TBL1X: variants seen among roughly 807,000 people sequenced by gnomAD.
The protein encoded by TBL1X is F-box-like/WD repeat-containing protein TBL1X.
A neutral mutation model predicts 50.7 loss-of-function variants in TBL1X; 10 were observed. That is an observed-to-expected ratio of 0.20 (90% CI 0.12 to 0.33). The LOEUF is 0.33. Ranked by LOEUF, TBL1X falls within the 10% of genes least tolerant of loss-of-function variation. TBL1X has a pLI of 1.00. For missense variants in TBL1X, 340 were observed against 504.4 expected (o/e 0.67, Z 3.12); for synonymous variants, 190 against 214.7 (o/e 0.88, Z 1.01).
At position 9,693,221 on chromosome X, in the gene TBL1X, T is replaced by C. The variant is rs761292680; in HGVS notation, c.955+9T>C. 1 of 1,211,829 alleles carries C rather than the reference T, an allele frequency of 8.3e-7. No individual in the cohort carries two copies. The highest frequency in any genetic ancestry group is 1.1e-6 in the Non-Finnish European group (1 of 895,479). On this transcript the variant is annotated intron_variant, in intron 10 of 17. Transcript: ENST00000645353. ...AATATGGACGGAAGATGGTGAGTTC[T>C]GTGTCCCTCGTGCTGGGGTCGGGTA...
intron 1 of TBL1X, among the ~76,000 whole-genome samples, chrX:9,481,186 C>T (rs1001972143): frequency 4.5e-5 from 5 of 111,839 alleles, no homozygotes; most frequent in African/African-American, 1.3e-4. Flanking sequence ...GACGAAAAAG[C>T]TTCCAAGGCT....
At chrX:9,614,009 GAA>G (rs2082627807) in intron 2 of TBL1X, among the ~76,000 whole-genome samples, 1 of 99,226 alleles carries the variant, frequency 1.0e-5, no homozygotes, top group Admixed American at 1.1e-4. Flanking sequence ...AAAAAGAAAA[GAA>G]AAAGAAAACT....
intron 2 of TBL1X, among the ~76,000 whole-genome samples, chrX:9,552,460 C>G (rs763971074): frequency 1.8e-5 from 2 of 111,795 alleles, no homozygotes; most frequent in Non-Finnish European, 3.8e-5. Flanking sequence ...CTTTGTATCA[C>G]TCCGACTTAA....
intron 2 of TBL1X, among the ~76,000 whole-genome samples, chrX:9,638,987 C>G (rs1396107124): frequency 9.0e-6 from 1 of 111,441 alleles, no homozygotes; most frequent in East Asian, 2.8e-4. Context: ...CCCTGGTGCC[C>G]TTTCATTTCT....
chrX:9,503,840 G>A (rs1361765555), intron 2 of TBL1X, among the ~76,000 whole-genome samples: 1 of 112,918 alleles, frequency 8.9e-6, no homozygotes, highest in African/African-American at 3.2e-5. Flanking sequence ...CTGCTGACCA[G>A]CAGATTTAGC....
intron 2 of TBL1X, among the ~76,000 whole-genome samples, chrX:9,639,637 G>A (rs985095769): frequency 1.8e-5 from 2 of 112,454 alleles, no homozygotes; most frequent in Non-Finnish European, 3.8e-5. Context: ...TGTCTGAAGA[G>A]TAAATGAAAA....
chrX:9,666,350 T>C (rs1269907933), intron 5 of TBL1X, among the ~76,000 whole-genome samples: 1 of 111,425 alleles, frequency 9.0e-6, no homozygotes, highest in Non-Finnish European at 1.9e-5. Flanking sequence ...CTTCTGTCTG[T>C]GTATTTATAT....
At chrX:9,649,660 T>A (rs1161809990) in intron 3 of TBL1X, among the ~76,000 whole-genome samples, 2 of 112,060 alleles carry the variant, frequency 1.8e-5, no homozygotes, top group Non-Finnish European at 3.8e-5. Context: ...ATATTCTCAT[T>A]CTCCATAGTT....
upstream of TBL1X, among the ~76,000 whole-genome samples, chrX:9,463,904 CAAAAACAA>C (rs1377260267): frequency 3.6e-5 from 4 of 110,688 alleles, no homozygotes; most frequent in African/African-American, 9.9e-5. Context: ...AAAACAAAAA[CAAAAACAA>C]AAAAACAAAA....
chrX:9,697,096 A>C (rs1181095241), intron 11 of TBL1X, among the ~76,000 whole-genome samples: 2 of 112,401 alleles, frequency 1.8e-5, no homozygotes, highest in Non-Finnish European at 3.8e-5. Context: ...CAAATATCCC[A>C]GTAAGGTTTT....
intron 1 of TBL1X, among the ~76,000 whole-genome samples, chrX:9,479,179 C>T (rs774657584): frequency 8.8e-6 from 1 of 113,080 alleles, no homozygotes; most frequent in South Asian, 3.6e-4. Context: ...TTGGCGTAGG[C>T]CAGGCGCAGT....
At chrX:9,568,128 G>A (rs2082361271) in intron 2 of TBL1X, among the ~76,000 whole-genome samples, 1 of 112,173 alleles carries the variant, frequency 8.9e-6, no homozygotes, top group Non-Finnish European at 1.9e-5. Context: ...GCCTGGAAGT[G>A]GTTGGACGGT....
At chrX:9,601,966 A>C (rs111886865) in intron 2 of TBL1X, among the ~76,000 whole-genome samples, 11,306 of 110,775 alleles carry the variant, frequency 0.1, 498 homozygotes, top group Middle Eastern at 0.17. Flanking sequence ...ATCCTTTGAA[A>C]CCGGGAGGCG....
At chrX:9,570,973 G>A (rs1217412058) in intron 2 of TBL1X, among the ~76,000 whole-genome samples, 2 of 111,873 alleles carry the variant, frequency 1.8e-5, no homozygotes, top group Non-Finnish European at 3.8e-5. Context: ...CACCGCGCCC[G>A]GCCCAAAGTG....
chrX:9,508,275 C>G (rs1420068532), intron 2 of TBL1X, among the ~76,000 whole-genome samples: 3 of 112,289 alleles, frequency 2.7e-5, no homozygotes, highest in Non-Finnish European at 5.6e-5. Flanking sequence ...AAAAAGTGGG[C>G]AAAGGATATG....
intron 16 of TBL1X, among the ~76,000 whole-genome samples, 173 bp downstream of exon 16, chrX:9,711,949 C>T (rs756760358): frequency 1.4e-4 from 16 of 112,398 alleles, no homozygotes; most frequent in Non-Finnish European, 3.0e-4. Context: ...GTCAGCTCTT[C>T]CCCCACCAGA....
intron 1 of TBL1X, among the ~76,000 whole-genome samples, chrX:9,481,133 G>A (rs1247939921): frequency 9.0e-6 from 1 of 111,600 alleles, no homozygotes; most frequent in Non-Finnish European, 1.9e-5. Flanking sequence ...CTATAGGACT[G>A]TGACAGTTTT....
rs563267936 is a variant in TBL1X, at chrX:9,570,386, C to T, written c.-131+68537C>T. 8.1e-5 allele frequency among the ~76,000 whole-genome samples: 9 copies of T among 111,555 alleles called. No homozygotes were observed. In the South Asian group the frequency reaches 1.9e-3, roughly 24 times the overall value. ...AGACAGGAATGGGACGTGGGGAGCGCGTACCCTCTTCTCAACAAGCAGGTT... is the reference window on the plus strand; with the variant it reads ...AGACAGGAATGGGACGTGGGGAGCGTGTACCCTCTTCTCAACAAGCAGGTT... On this transcript the variant is annotated intron_variant, in intron 2 of 17. Coordinates refer to ENST00000645353, the MANE Select transcript of TBL1X (RefSeq NM_005647.4).
chrX:9,661,646 C>T (rs376274021), intron 5 of TBL1X, among the ~76,000 whole-genome samples: 8 of 111,630 alleles, frequency 7.2e-5, no homozygotes, highest in African/African-American at 2.6e-4. Context: ...GAGACCTCAG[C>T]GGCCTCCTCT....
Sources: allele counts gnomAD v4.1 joint callset (sites outside exome capture counted in the v4.1 genomes callset), GRCh38; gene constraint gnomAD v4.1.1; transcripts MANE v1.5; gene names NCBI Gene and HGNC (gene_info 2026-07-23, HGNC 2026-07-21).